The following CNTNAP5 variants were observed in gnomAD, a reference collection of about 807,000 sequenced individuals.
The protein encoded by CNTNAP5 is contactin associated protein family member 5.
Under a neutral mutation model 150.2 loss-of-function variants are expected in CNTNAP5, and 72 were observed. The ratio of observed to expected loss-of-function variants is 0.48; its 90% confidence interval spans 0.40 to 0.58. The LOEUF (loss-of-function observed/expected upper bound fraction) is 0.58, where lower values mean the gene tolerates loss of function less well. Ranked by LOEUF, CNTNAP5 falls within the 20% of genes least tolerant of loss-of-function variation. CNTNAP5 has a pLI of 0.00. For synonymous variants in CNTNAP5, 672 were observed against 619.8 expected (o/e 1.08, Z -1.25); for missense variants, 1,636 against 1,626.2 (o/e 1.01, Z -0.10).
At chr2:124,378,160 A>G (rs1481297449) in intron 3 of CNTNAP5, among the ~76,000 whole-genome samples, 1 of 152,114 alleles carries the variant, frequency 6.6e-6, no homozygotes, top group African/African-American at 2.4e-5. Context: ...ATATATATCC[A>G]TCACAAAACC....
intron 17 of CNTNAP5, among the ~76,000 whole-genome samples, chr2:124,780,186 G>A (rs897713788): frequency 6.6e-6 from 1 of 152,124 alleles, no homozygotes; most frequent in African/African-American, 2.4e-5. Context: ...ATTGAATGCA[G>A]CAATGGATGT....
chr2:124,565,241 C>T (rs1695990721), intron 11 of CNTNAP5, among the ~76,000 whole-genome samples: 1 of 151,996 alleles, frequency 6.6e-6, no homozygotes, highest in African/African-American at 2.4e-5. Flanking sequence ...TGTTAGTTGC[C>T]TGCAGAAACA....
intron 10 of CNTNAP5, among the ~76,000 whole-genome samples, chr2:124,536,656 C>T (rs1279578308): frequency 6.6e-6 from 1 of 152,054 alleles, no homozygotes; most frequent in African/African-American, 2.4e-5. Context: ...AAGCCTGTTA[C>T]CAAAAGGCCA....
intron 19 of CNTNAP5, among the ~76,000 whole-genome samples, chr2:124,860,002 T>C (rs1677478166): frequency 6.6e-6 from 1 of 151,838 alleles, no homozygotes; most frequent in African/African-American, 2.4e-5. Context: ...GGCACGTGTA[T>C]ACATATGTAA....
At chr2:124,698,777 C>G (rs1679458746) in intron 13 of CNTNAP5, among the ~76,000 whole-genome samples, 1 of 152,104 alleles carries the variant, frequency 6.6e-6, no homozygotes, top group Non-Finnish European at 1.5e-5. Flanking sequence ...GTTGGCCATC[C>G]TAGCCCCTGG....
intron 19 of CNTNAP5, among the ~76,000 whole-genome samples, chr2:124,843,156 T>C (rs988336550): frequency 1.2e-4 from 19 of 152,150 alleles, no homozygotes; most frequent in Non-Finnish European, 5.9e-5. Context: ...ATACAATGTT[T>C]GGTTTTTCAT....
rs556571236 is a variant in CNTNAP5 at position 124,057,448 on chromosome 2, A to ATTTTTTTTTTTTTTT, written c.82+31725_82+31739dup. On this transcript the variant is annotated intron_variant, in intron 1 of 23. Transcript: ENST00000682447. ...AGGCACCCACCAGCACGGCCAGCTA[A>ATTTTTTTTTTTTTTT]TTTTTTTTTTTTTTTTTTTTTTTAG... 1.3e-4 allele frequency among the ~76,000 whole-genome samples: 8 copies of ATTTTTTTTTTTTTTT among 62,790 alleles called. 3 individuals are homozygous for ATTTTTTTTTTTTTTT. The highest frequency in any genetic ancestry group is 3.9e-4 in the African/African-American group (5 of 12,744). The allele number at this position is 62,790 out of a possible 152,430, so 41.2% of individuals were successfully genotyped here.
intron 11 of CNTNAP5, among the ~76,000 whole-genome samples, chr2:124,588,205 T>C (rs905320553): frequency 1.9e-3 from 272 of 146,034 alleles, no homozygotes; most frequent in Middle Eastern, 3.4e-3. Flanking sequence ...TCTTTCTTTC[T>C]TTCTTTCTTT....
At chr2:124,424,776 T>C (rs1692199963) in intron 4 of CNTNAP5, among the ~76,000 whole-genome samples, 1 of 152,140 alleles carries the variant, frequency 6.6e-6, no homozygotes, top group Admixed American at 6.5e-5. Context: ...AAGACAATCC[T>C]TGCCCTTTAG....
chr2:124,200,750 T>C (rs934685623), intron 1 of CNTNAP5, among the ~76,000 whole-genome samples: 2 of 152,220 alleles, frequency 1.3e-5, no homozygotes, highest in African/African-American at 2.4e-5. Context: ...TATTTCTTAC[T>C]CCCTACCTGT....
intron 10 of CNTNAP5, among the ~76,000 whole-genome samples, chr2:124,546,110 C>A (rs1251411372): frequency 6.6e-6 from 1 of 151,992 alleles, no homozygotes; most frequent in African/African-American, 2.4e-5. Context: ...TTATCCAACA[C>A]CCCAGTTGGA....
chr2:124,170,842 G>A (rs1178615722), intron 1 of CNTNAP5, among the ~76,000 whole-genome samples: 1 of 151,878 alleles, frequency 6.6e-6, no homozygotes, highest in South Asian at 2.1e-4. Flanking sequence ...GACAGAGGGA[G>A]TGGAAAGACC....
chr2:124,871,350 C>T (rs1401603588), intron 21 of CNTNAP5, among the ~76,000 whole-genome samples: 5 of 151,014 alleles, frequency 3.3e-5, no homozygotes, highest in Non-Finnish European at 5.9e-5. Flanking sequence ...TTTGCTAGAT[C>T]TTCAATGCAA....
At chr2:124,175,098 G>A (rs190641886) in intron 1 of CNTNAP5, among the ~76,000 whole-genome samples, 484 of 152,186 alleles carry the variant, frequency 3.2e-3, no homozygotes, top group Non-Finnish European at 1.3e-3. Flanking sequence ...TATGCACTAG[G>A]AAACCAAAAA....
At chr2:124,139,787 C>A (rs1025643048) in intron 1 of CNTNAP5, among the ~76,000 whole-genome samples, 1 of 152,096 alleles carries the variant, frequency 6.6e-6, no homozygotes. Flanking sequence ...AGGAAGGAGC[C>A]AAGATGGCCG....
At chr2:124,760,263 T>TAA (rs1231401011) in intron 14 of CNTNAP5, among the ~76,000 whole-genome samples, 2 of 151,928 alleles carry the variant, frequency 1.3e-5, no homozygotes, top group African/African-American at 2.4e-5. Flanking sequence ...GCCATATATA[T>TAA]AACGTTTTAT....
intron 11 of CNTNAP5, among the ~76,000 whole-genome samples, chr2:124,585,755 C>T (rs1415820622): frequency 7.6e-6 from 1 of 131,148 alleles, no homozygotes; most frequent in East Asian, 2.6e-4. Context: ...CCTTACAAAT[C>T]TTCTGAAGCA....
chr2:124,829,620 A>G (rs1417956559), intron 19 of CNTNAP5, among the ~76,000 whole-genome samples: 1 of 152,064 alleles, frequency 6.6e-6, no homozygotes, highest in African/African-American at 2.4e-5. Flanking sequence ...ATTGATAATC[A>G]TGCAACAAAA....
intron 3 of CNTNAP5, among the ~76,000 whole-genome samples, chr2:124,400,469 C>T (rs1241335329): frequency 6.6e-6 from 1 of 151,966 alleles, no homozygotes; most frequent in Non-Finnish European, 1.5e-5. Flanking sequence ...TTTCTCTTTG[C>T]CCCAAGGCTT....
Sources: gnomAD v4.1 joint callset for allele counts (sites outside exome capture counted in the v4.1 genomes callset) on GRCh38, gnomAD v4.1.1 for gene constraint, MANE v1.5 for transcripts, NCBI Gene and HGNC (gene_info 2026-07-23, HGNC 2026-07-21) for gene names.